NXPE3: variants seen among roughly 807,000 people sequenced by gnomAD.
The protein encoded by NXPE3 is NXPE family member 3.
Under a neutral mutation model 46.1 loss-of-function variants are expected in NXPE3, and 26 were observed. That is an observed-to-expected ratio of 0.56 (90% CI 0.41 to 0.78). The LOEUF is 0.78. NXPE3 is among the 30% of genes least tolerant of loss of function. The pLI is 0.00. For synonymous variants in NXPE3, 272 were observed against 257.9 expected (o/e 1.05, Z -0.52); for missense variants, 620 against 686.0 (o/e 0.90, Z 1.07).
intron 5 of NXPE3, among the ~76,000 whole-genome samples, chr3:101,804,860 G>A (rs1222635117): frequency 6.6e-6 from 1 of 152,076 alleles, no homozygotes; most frequent in African/African-American, 2.4e-5. Context: ...TTAATATAAG[G>A]GAAGGCCTTT....
rs1256772551 is a variant in NXPE3, at chr3:101,782,970, G to C, written c.-196+190G>C. Among the ~76,000 whole-genome samples, 5 of 152,034 alleles carry C rather than the reference G, an allele frequency of 3.3e-5. No individual in the cohort carries two copies. In the East Asian group the frequency reaches 9.6e-4, roughly 29 times the overall value. ...GCCCAGCTTTATTCTTTGTATTTGT[G>C]ATTTTTATTTCCTGGTGAAAAATTA... On this transcript the variant is annotated intron_variant, in intron 3 of 7. Coordinates refer to ENST00000273347, the MANE Select transcript of NXPE3 (RefSeq NM_145037.4).
intron 4 of NXPE3, among the ~76,000 whole-genome samples, chr3:101,792,628 T>C (rs1056548676): frequency 6.6e-6 from 1 of 152,238 alleles, no homozygotes; most frequent in Non-Finnish European, 1.5e-5. Context: ...TCTCTGTGCC[T>C]GTTTTTGTAC....
chr3:101,797,422 T>A (rs1279113634), intron 4 of NXPE3, among the ~76,000 whole-genome samples: 52 of 139,346 alleles, frequency 3.7e-4, no homozygotes, highest in East Asian at 2.5e-3. Context: ...TTTTTTTTTT[T>A]AATTTTTTTT....
At chr3:101,818,718 TATATATATA>T (rs1942081314) in intron 7 of NXPE3, among the ~76,000 whole-genome samples, 26 of 12,114 alleles carry the variant, frequency 2.1e-3, no homozygotes, top group African/African-American at 8.3e-3. Flanking sequence ...TGACAATTTA[TATATATATA>T]TATATATATA....
At chr3:101,816,020 C>T (rs907117784) in intron 6 of NXPE3, among the ~76,000 whole-genome samples, 3 of 150,438 alleles carry the variant, frequency 2.0e-5, no homozygotes, top group African/African-American at 7.4e-5. Flanking sequence ...AAAACTTAGC[C>T]AGGCATGGTA....
rs775332489 is a variant in NXPE3, at chr3:101,785,622, G to A, written c.26G>A (p.Arg9Gln). 27 of 1,613,968 alleles carry A rather than the reference G, an allele frequency of 1.7e-5. No homozygotes were observed. The highest frequency in any genetic ancestry group is 1.6e-4 in the Middle Eastern group (1 of 6,062). The change falls in exon 4 of 8, where the codon CGG (arginine) becomes CAG (glutamine). Residue 9 changes from arginine (R) to glutamine (Q), a missense_variant. Arg to Gln is a conservative substitution (Grantham distance 43). Transcript: ENST00000273347. Reference protein sequence around the residue: MWTNFFKLRLFCCLLAVLM... With the variant: MWTNFFKLQLFCCLLAVLM... ...ATGTGGACCAATTTCTTCAAACTAC[G>A]GCTTTTCTGCTGTCTGCTTGCAGTG... is the stretch of plus-strand genomic sequence containing the variant.
intron 4 of NXPE3, among the ~76,000 whole-genome samples, chr3:101,786,790 C>CA (rs988332785): frequency 2.6e-5 from 4 of 152,104 alleles, no homozygotes; most frequent in Non-Finnish European, 4.4e-5. Context: ...AAATAACTAA[C>CA]ATAGAATTTG....
intron 6 of NXPE3, among the ~76,000 whole-genome samples, chr3:101,809,389 A>G (rs1941604548): frequency 6.6e-6 from 1 of 152,186 alleles, no homozygotes; most frequent in Non-Finnish European, 1.5e-5. Flanking sequence ...AGCAGGGGGC[A>G]TTCAAAGACC....
intron 6 of NXPE3, 143 bp downstream of exon 6, chr3:101,807,269 A>T: frequency 1.6e-6 from 1 of 625,548 alleles, no homozygotes; most frequent in Non-Finnish European, 2.8e-6. Context: ...CTGTTTGATT[A>T]AAAAAATCAG....
Position 101,801,258 on chromosome 3 carries a change from A to C in NXPE3, c.117A>C (p.Ser39=). Reference sequence around the variant, plus strand: ...AGTACTTGGACCATGAGACTGTTTCAGCCACTTTCATCGACAGCAGTGGAC... The same window carrying C: ...AGTACTTGGACCATGAGACTGTTTCCGCCACTTTCATCGACAGCAGTGGAC... ...QVEYLDHETV[S]ATFIDSSGQF... is the part of the protein sequence containing the mutation. The change falls in exon 5 of 8, where the codon TCA becomes TCC. Residue 39 remains serine (S), a synonymous_variant. Coordinates refer to ENST00000273347, the MANE Select transcript of NXPE3 (RefSeq NM_145037.4). The C allele has an allele frequency of 6.2e-6, 10 of 1,612,736 alleles. No homozygotes were observed. Among genetic ancestry groups the C allele is most frequent in the Non-Finnish European group, 8.5e-6 (10 of 1,179,266 alleles).
chr3:101,787,709 A>G (rs1211830918), intron 4 of NXPE3, among the ~76,000 whole-genome samples: 1 of 152,226 alleles, frequency 6.6e-6, no homozygotes, highest in Non-Finnish European at 1.5e-5. Flanking sequence ...AAGGCTGAGT[A>G]ATACTTCTCT....
At chr3:101,797,015 C>T (rs543770070) in intron 4 of NXPE3, among the ~76,000 whole-genome samples, 2 of 152,234 alleles carry the variant, frequency 1.3e-5, no homozygotes, top group African/African-American at 4.8e-5. Context: ...TAGTTTTCTA[C>T]ATCTTAGGTA....
chr3:101,808,474 C>G (rs1437416954), intron 6 of NXPE3, among the ~76,000 whole-genome samples: 1 of 152,004 alleles, frequency 6.6e-6, no homozygotes, highest in Non-Finnish European at 1.5e-5. Flanking sequence ...AACTGAAGAG[C>G]AAGGACCATC....
chr3:101,787,370 G>A (rs1004333302), intron 4 of NXPE3, among the ~76,000 whole-genome samples: 2 of 152,122 alleles, frequency 1.3e-5, no homozygotes, highest in Non-Finnish European at 2.9e-5. Flanking sequence ...GCAATGGCAC[G>A]ATCTTGTCTC....
intron 5 of NXPE3, among the ~76,000 whole-genome samples, chr3:101,803,917 G>T (rs551630697): frequency 6.6e-6 from 1 of 152,150 alleles, no homozygotes; most frequent in Admixed American, 6.6e-5. Flanking sequence ...ACCATACCCC[G>T]TTAGAGTTGT....
In NXPE3 at chr3:101,785,556, A is replaced by T; in HGVS notation, c.-41A>T. Reference sequence around the variant, plus strand: ...ACATGGAATTTTAAAGAGTGAAGGTAGCATGGTGTCGGCCATGGGTGAACA... The same window carrying T: ...ACATGGAATTTTAAAGAGTGAAGGTTGCATGGTGTCGGCCATGGGTGAACA... On this transcript the variant is annotated 5_prime_UTR_variant, in exon 4 of 8. Transcript: ENST00000273347. The T allele has an allele frequency of 6.6e-7, 1 of 1,524,144 alleles. No homozygotes were observed. The highest frequency in any genetic ancestry group is 9.1e-7 in the Non-Finnish European group (1 of 1,097,950). 94.4% of individuals were successfully genotyped at this position (1,524,144 alleles called of 1,614,324 possible).
chr3:101,788,868 G>A (rs1015392617), intron 4 of NXPE3, among the ~76,000 whole-genome samples: 6 of 151,972 alleles, frequency 3.9e-5, no homozygotes, highest in African/African-American at 4.8e-5. Flanking sequence ...CACCCACCTC[G>A]GCCTCCCAAA....
In NXPE3 at chr3:101,782,759, T is replaced by C. The variant is rs574972771; in HGVS notation, c.-217T>C. The C allele has an allele frequency of 6.6e-6, 1 of 152,222 alleles. No homozygotes were observed. Among genetic ancestry groups the C allele is most frequent in the African/African-American group, 2.4e-5 (1 of 41,510 alleles). The allele number at this position is 152,222 out of a possible 1,614,324, so 9.4% of individuals were successfully genotyped here. ...CTCAAGCAATTCTCCTACCTCAGCC[T>C]CCTGAGTAACTGGGACTATAGGTGC... is the stretch of plus-strand genomic sequence containing the variant. On this transcript the variant is annotated 5_prime_UTR_variant, in exon 3 of 8. Transcript: ENST00000273347.
chr3:101,808,156 C>T (rs1576765204), intron 6 of NXPE3, among the ~76,000 whole-genome samples: 2 of 152,022 alleles, frequency 1.3e-5, no homozygotes, highest in South Asian at 4.2e-4. Flanking sequence ...ACAAACTTTT[C>T]GGGTGACTCT....
Sources: gnomAD v4.1 joint callset for allele counts (sites outside exome capture counted in the v4.1 genomes callset) on GRCh38, gnomAD v4.1.1 for gene constraint, MANE v1.5 for transcripts, NCBI Gene and HGNC (gene_info 2026-07-23, HGNC 2026-07-21) for gene names.